Variants in SPTB observed in about 807,000 individuals in gnomAD.
SPTB encodes spectrin beta chain, erythrocytic.
Under a neutral mutation model 256.2 loss-of-function variants are expected in SPTB, and 45 were observed. That is an observed-to-expected ratio of 0.18 (90% CI 0.14 to 0.23). SPTB has a LOEUF of 0.23. Ranked by LOEUF, SPTB falls within the 10% of genes least tolerant of loss-of-function variation. SPTB has a pLI of 1.00. For synonymous variants in SPTB, 1,231 were observed against 1,243.1 expected (o/e 0.99, Z 0.21); for missense variants, 2,715 against 3,040.4 (o/e 0.89, Z 2.52).
Position 64,796,504 on chromosome 14 carries a change from G to A in SPTB, c.1341+53C>T, listed in dbSNP as rs2082771735. On this transcript the variant is annotated intron_variant, in intron 11 of 35. Coordinates refer to ENST00000644917, the MANE Select transcript of SPTB (RefSeq NM_001355436.2). The surrounding 1 kb of genome is among the most constrained non-coding windows in gnomAD (Gnocchi z 4.1). ...TGGACTCCAGCCCAGCCAAGAGCTG[G>A]GGGCTCTGAAGAATGTCCCCTCTCC... 6.2e-7 allele frequency: 1 copy of A among 1,612,650 alleles called. No individual in the cohort carries two copies. Among genetic ancestry groups the A allele is most frequent in the Admixed American group, 1.7e-5 (1 of 60,018 alleles).
intron 2 of SPTB, among the ~76,000 whole-genome samples, chr14:64,811,032 C>T (rs774361408): frequency 6.6e-6 from 1 of 152,004 alleles, no homozygotes; most frequent in African/African-American, 2.4e-5. Flanking sequence ...AGGAGGATCA[C>T]TTGAGCTCAG....
Position 64,793,252 on chromosome 14 carries a change from T to C in SPTB, c.2411A>G (p.Gln804Arg). 1 of 1,607,658 alleles carries C rather than the reference T, an allele frequency of 6.2e-7. No homozygotes were observed. Among genetic ancestry groups the C allele is most frequent in the Non-Finnish European group, 8.5e-7 (1 of 1,180,012 alleles). The change falls in exon 14 of 36, where the codon CAG becomes CGG. Residue 804 changes from glutamine to arginine, a missense_variant. Coordinates refer to ENST00000644917, the MANE Select transcript of SPTB (RefSeq NM_001355436.2). This position sits in a 1 kb window ranked among gnomAD's most constrained non-coding sequence, Gnocchi z 7.0. ...CTCTTCGGGGAATCCCTGGGCCTGC[T>C]GCTCCAGGTGCTCCATCACCCCACG... is the stretch of plus-strand genomic sequence containing the variant. ...ESRGVMEHLEQQAQGFPEEFR... is the reference protein window; with the variant it reads ...ESRGVMEHLERQAQGFPEEFR...
intron 1 of SPTB, among the ~76,000 whole-genome samples, chr14:64,860,481 C>A (rs10151551): frequency 2.1e-4 from 32 of 151,972 alleles, no homozygotes; most frequent in African/African-American, 7.2e-4. Flanking sequence ...CCCAGGTAGG[C>A]GCACATGTGT....
intron 29 of SPTB, among the ~76,000 whole-genome samples, chr14:64,768,788 G>A (rs1423571562): frequency 1.3e-5 from 2 of 152,154 alleles, no homozygotes; most frequent in African/African-American, 2.4e-5. Flanking sequence ...GGACAAGTGC[G>A]GCAGAGGATG....
At chr14:64,836,526 G>A (rs1048192318) in intron 1 of SPTB, among the ~76,000 whole-genome samples, 2 of 151,998 alleles carry the variant, frequency 1.3e-5, no homozygotes, top group Admixed American at 6.6e-5. Flanking sequence ...GGGTACGGTC[G>A]GTGGGGTTTA....
chr14:64,846,493 T>A (rs2083694810), intron 1 of SPTB, among the ~76,000 whole-genome samples: 1 of 152,190 alleles, frequency 6.6e-6, no homozygotes, highest in African/African-American at 2.4e-5. Context: ...AACGCATAGG[T>A]CGTCAGTATT....
At chr14:64,800,613 A>G (rs757408870) in intron 8 of SPTB, 143 bp downstream of exon 8, 4 of 756,268 alleles carry the variant, frequency 5.3e-6, no homozygotes, top group South Asian at 1.5e-5. Context: ...GGAGCCATCA[A>G]TGTTGCCAAG....
In SPTB at chr14:64,759,062, GCCTCT is replaced by G. The variant is rs1488836497; in HGVS notation, c.6346-5274_6346-5270del. Among the ~76,000 whole-genome samples the G allele has an allele frequency of 6.6e-6, 1 of 152,190 alleles. No individual in the cohort carries two copies. The highest frequency in any genetic ancestry group is 1.5e-5 in the Non-Finnish European group (1 of 68,030). On this transcript the variant is annotated intron_variant, in intron 32 of 35. Coordinates refer to ENST00000644917, the MANE Select transcript of SPTB (RefSeq NM_001355436.2). This position sits in a 1 kb window ranked among gnomAD's most constrained non-coding sequence, Gnocchi z 4.8. Reference sequence around the variant, plus strand: ...AGAGGCCTTGGGGTCATGGGACTCAGCCTCTCCTATCTCAGATGAGAAAACTGGGT... The same window carrying G: ...AGAGGCCTTGGGGTCATGGGACTCAGCCTATCTCAGATGAGAAAACTGGGT...
chr14:64,851,174 A>T (rs1240322494), intron 1 of SPTB, among the ~76,000 whole-genome samples: 1 of 152,226 alleles, frequency 6.6e-6, no homozygotes, highest in Non-Finnish European at 1.5e-5. Context: ...TAAAATGTTC[A>T]ATTATGTTAT....
In SPTB at chr14:64,759,635, G is replaced by T. The variant is rs1299846865; in HGVS notation, c.6346-5842C>A. Among the ~76,000 whole-genome samples the T allele has an allele frequency of 6.6e-6, 1 of 152,252 alleles. No homozygotes were observed. Among genetic ancestry groups the T allele is most frequent in the African/African-American group, 2.4e-5 (1 of 41,466 alleles). On this transcript the variant is annotated intron_variant, in intron 32 of 35. Coordinates refer to ENST00000644917, the MANE Select transcript of SPTB (RefSeq NM_001355436.2). The surrounding 1 kb of genome is among the most constrained non-coding windows in gnomAD (Gnocchi z 4.8). ...TGGCTGAGATGTGACTAAGGGACCGGCAGGTTCTGCCCAAAGGCAGCATAT... is the reference window on the plus strand; with the variant it reads ...TGGCTGAGATGTGACTAAGGGACCGTCAGGTTCTGCCCAAAGGCAGCATAT...
In SPTB at chr14:64,792,343, A is replaced by C. The variant is rs1472502654; in HGVS notation, c.2667-487T>G. Among the ~76,000 whole-genome samples the C allele has an allele frequency of 6.6e-6, 1 of 151,874 alleles. No individual in the cohort carries two copies. The highest frequency in any genetic ancestry group is 1.5e-5 in the Non-Finnish European group (1 of 67,974). ...GCTGCTGGGGCGGTGGTCGGGGGGA[A>C]TTTGTGGTTCTGAAGGCCGATCCTT... On this transcript the variant is annotated intron_variant, in intron 14 of 35. Transcript: ENST00000644917. The surrounding 1 kb of genome is among the most constrained non-coding windows in gnomAD (Gnocchi z 4.2).
chr14:64,820,973 C>T (rs1180220719), intron 2 of SPTB, among the ~76,000 whole-genome samples: 5 of 152,144 alleles, frequency 3.3e-5, no homozygotes, highest in African/African-American at 4.8e-5. Context: ...CTACCACGCC[C>T]GGCTTTGTGC....
intron 1 of SPTB, among the ~76,000 whole-genome samples, chr14:64,859,386 T>C (rs2139796684): frequency 6.6e-6 from 1 of 152,368 alleles, no homozygotes; most frequent in Admixed American, 6.5e-5. Context: ...GATCTTTATA[T>C]ATTGCTAAGT....
intron 1 of SPTB, among the ~76,000 whole-genome samples, chr14:64,872,799 G>A (rs144138900): frequency 2.0e-5 from 3 of 152,298 alleles, no homozygotes; most frequent in African/African-American, 7.2e-5. Flanking sequence ...CTGTTCTCGT[G>A]ATAGTGAAGA....
intron 31 of SPTB, 130 bp downstream of exon 31, chr14:64,767,173 C>T (rs2082198638): frequency 4.1e-6 from 5 of 1,230,332 alleles, no homozygotes; most frequent in South Asian, 2.4e-5. Flanking sequence ...CACTCTGGGC[C>T]TTCCTGACGA....
At chr14:64,752,629 C>G (rs950535532) in intron 33 of SPTB, among the ~76,000 whole-genome samples, 2 of 152,204 alleles carry the variant, frequency 1.3e-5, no homozygotes, top group African/African-American at 4.8e-5. Context: ...TAATGCCTGG[C>G]ACATAGTAGA....
intron 1 of SPTB, among the ~76,000 whole-genome samples, chr14:64,868,218 T>C (rs1882309643): frequency 6.6e-6 from 1 of 152,112 alleles, no homozygotes. Context: ...AGGCCAATTA[T>C]TATTCAAACA....
At position 64,786,449 on chromosome 14, in the gene SPTB, C is replaced by T. The variant is rs1248898308; in HGVS notation, c.3516G>A (p.Glu1172=). ...HTLAQCLGFQ[E]FQKDAKQAEA... is the part of the protein sequence containing the mutation. Reference sequence around the variant, plus strand: ...CAGCCTGCTTGGCATCTTTCTGGAACTCCTGGAAGCCAAGGCACTGAGCGA... The same window carrying T: ...CAGCCTGCTTGGCATCTTTCTGGAATTCCTGGAAGCCAAGGCACTGAGCGA... The change falls in exon 16 of 36, where the codon GAG becomes GAA. Residue 1172 remains glutamate, a synonymous_variant. Transcript: ENST00000644917. The surrounding 1 kb of genome is among the most constrained non-coding windows in gnomAD (Gnocchi z 5.6). 1 of 1,614,178 alleles carries T rather than the reference C, an allele frequency of 6.2e-7. No individual in the cohort carries two copies.
At position 64,796,342 on chromosome 14, in the gene SPTB, T is replaced by A. The variant is rs1276254839; in HGVS notation, c.1341+215A>T. Among the ~76,000 whole-genome samples the A allele has an allele frequency of 3.9e-5, 6 of 152,180 alleles. 1 individual carries two copies. Among genetic ancestry groups the A allele is most frequent in the Admixed American group, 3.9e-4 (6 of 15,284 alleles). ...ACATAAGACAACTTCAGCGGCCAGT[T>A]CTAGACTCCAAGGCTCTTTCCTAAA... On this transcript the variant is annotated intron_variant, in intron 11 of 35. Transcript: ENST00000644917. This position sits in a 1 kb window ranked among gnomAD's most constrained non-coding sequence, Gnocchi z 4.1.
Sources: gnomAD v4.1 joint callset for allele counts (sites outside exome capture counted in the v4.1 genomes callset) on GRCh38, gnomAD v4.1.1 for gene constraint, Gnocchi (gnomAD v3.1) non-coding constraint, MANE v1.5 for transcripts, NCBI Gene and HGNC (gene_info 2026-07-23, HGNC 2026-07-21) for gene names.